The following TLE4 variants were observed in gnomAD, a reference collection of about 807,000 sequenced individuals.
The protein encoded by TLE4 is TLE family member 4, transcriptional corepressor, also known as transducin-like enhancer protein 4.
TLE4 carries 8 observed loss-of-function variants against 92.8 expected under a neutral mutation model. The ratio of observed to expected loss-of-function variants is 0.09; its 90% confidence interval spans 0.05 to 0.16. The LOEUF is 0.16. Among genes scored for constraint, TLE4 ranks in the 10% least tolerant of loss-of-function variants. The pLI, the probability that TLE4 is intolerant of heterozygous loss-of-function variation, is 1.00. For missense variants in TLE4, 675 were observed against 997.6 expected (o/e 0.68, Z 4.36); for synonymous variants, 371 against 374.1 (o/e 0.99, Z 0.10).
In TLE4 at chr9:79,629,458, G is replaced by A. The variant is rs1388829494; in HGVS notation, c.390+2010G>A. On this transcript the variant is annotated intron_variant, in intron 6 of 19. Coordinates refer to ENST00000376552, the MANE Select transcript of TLE4 (RefSeq NM_007005.6). ...GGAAATGAGGATTTATTAGACTGCA[G>A]CCAAGTTACTGACATATTGTGTTTA... Among the ~76,000 whole-genome samples, 8 of 152,084 alleles carry A rather than the reference G, an allele frequency of 5.3e-5. No homozygotes were observed. The East Asian group carries it at 1.5e-3, about 29-fold the overall frequency.
intron 4 of TLE4, among the ~76,000 whole-genome samples, chr9:79,595,486 G>A (rs186550285): frequency 1.2e-3 from 184 of 152,262 alleles, no homozygotes; most frequent in Admixed American, 2.9e-3. Flanking sequence ...TTGCTGATCG[G>A]TAACAATGTG....
At chr9:79,594,191 A>G (rs2043380826) in intron 4 of TLE4, among the ~76,000 whole-genome samples, 1 of 152,242 alleles carries the variant, frequency 6.6e-6, no homozygotes. Context: ...CAAATCACTG[A>G]AATCAGATTC....
intron 15 of TLE4, among the ~76,000 whole-genome samples, chr9:79,719,577 G>A (rs754865474): frequency 3.9e-5 from 6 of 152,018 alleles, no homozygotes; most frequent in Non-Finnish European, 5.9e-5. Flanking sequence ...CTTTAGTCAC[G>A]TAATGCAGGC....
chr9:79,579,244 A>G (rs1200963263), intron 4 of TLE4, among the ~76,000 whole-genome samples: 1 of 152,214 alleles, frequency 6.6e-6, no homozygotes, highest in Non-Finnish European at 1.5e-5. Context: ...TGTGGCTTCT[A>G]AATGGGTTGG....
intron 8 of TLE4, among the ~76,000 whole-genome samples, chr9:79,701,127 T>C (rs2069730119): frequency 1.3e-5 from 2 of 152,236 alleles, no homozygotes; most frequent in Admixed American, 1.3e-4. Context: ...TGTGGCAGAA[T>C]GGTGGACTTA....
intron 8 of TLE4, among the ~76,000 whole-genome samples, chr9:79,699,248 G>T (rs570401454): frequency 7.2e-4 from 109 of 152,116 alleles, no homozygotes; most frequent in African/African-American, 2.5e-3. Flanking sequence ...TATGATTGAG[G>T]ACTTTGGTTA....
chr9:79,626,203 T>C (rs1312690952), intron 5 of TLE4, among the ~76,000 whole-genome samples: 1 of 152,212 alleles, frequency 6.6e-6, no homozygotes, highest in Non-Finnish European at 1.5e-5. Context: ...CCCTAGTTAA[T>C]CTCAGTAACT....
intron 8 of TLE4, among the ~76,000 whole-genome samples, chr9:79,699,990 A>C (rs1313586407): frequency 6.6e-6 from 1 of 151,964 alleles, no homozygotes; most frequent in Non-Finnish European, 1.5e-5. Context: ...GGTTTAAAAT[A>C]GAAGATCCAC....
intron 5 of TLE4, among the ~76,000 whole-genome samples, chr9:79,620,232 T>G (rs1009322721): frequency 1.3e-5 from 2 of 152,238 alleles, no homozygotes; most frequent in African/African-American, 2.4e-5. Context: ...AGAGCTGCAT[T>G]GTCCAATACA....
chr9:79,700,853 TACAC>T (rs998979140), intron 8 of TLE4, among the ~76,000 whole-genome samples: 49 of 151,788 alleles, frequency 3.2e-4, no homozygotes, highest in South Asian at 8.3e-4. Context: ...CACACACACA[TACAC>T]ACACACACGC....
chr9:79,583,575 G>A (rs2040284286), intron 4 of TLE4, among the ~76,000 whole-genome samples: 1 of 152,176 alleles, frequency 6.6e-6, no homozygotes, highest in Non-Finnish European at 1.5e-5. Context: ...GAGAGGTTGG[G>A]GAAGGAGGAG....
chr9:79,599,303 T>A (rs1256353638), intron 4 of TLE4, among the ~76,000 whole-genome samples: 1 of 152,186 alleles, frequency 6.6e-6, no homozygotes, highest in Non-Finnish European at 1.5e-5. Context: ...ATTGCATGCA[T>A]CCTGTGCTCT....
chr9:79,649,925 T>G, intron 6 of TLE4: 12 of 1,312,696 alleles, frequency 9.1e-6, no homozygotes, highest in East Asian at 4.7e-5. Flanking sequence ...TGTTTTTTGT[T>G]TTTTTTTTGA....
chr9:79,721,733 ATTT>A lies in TLE4; in HGVS notation c.1839-6_1839-4del, dbSNP rs2075678431. The A allele has an allele frequency of 6.2e-7, 1 of 1,613,604 alleles. No homozygotes were observed. Among genetic ancestry groups the A allele is most frequent in the Non-Finnish European group, 8.5e-7 (1 of 1,179,932 alleles). ...TCAAGGGCTTTCCCTCCATTTTGAC[ATTT>A]TCAGGCAATTCCAGGGCCACACAGA... On this transcript the variant is annotated splice_polypyrimidine_tract_variant and splice_region_variant and intron_variant, in intron 16 of 19. Coordinates refer to ENST00000376552, the MANE Select transcript of TLE4 (RefSeq NM_007005.6).
chr9:79,612,005 A>G (rs1279173505), intron 4 of TLE4, among the ~76,000 whole-genome samples: 3 of 151,850 alleles, frequency 2.0e-5, no homozygotes, highest in Non-Finnish European at 4.4e-5. Flanking sequence ...CTTCCTGCTA[A>G]GTGTAATAAG....
intron 8 of TLE4, among the ~76,000 whole-genome samples, chr9:79,657,735 G>A (rs746405170): frequency 3.9e-5 from 6 of 152,122 alleles, no homozygotes; most frequent in South Asian, 2.1e-4. Context: ...TTCCCACTCC[G>A]TCCCAAATGT....
At chr9:79,662,370 G>A (rs1025895211) in intron 8 of TLE4, among the ~76,000 whole-genome samples, 4 of 152,150 alleles carry the variant, frequency 2.6e-5, no homozygotes, top group Non-Finnish European at 4.4e-5. Context: ...AGTGAGAGAA[G>A]CCAGTAGGCT....
intron 1 of TLE4, 77 bp from the exon 2 acceptor site, chr9:79,573,612 C>T (rs2036642706): frequency 8.0e-7 from 1 of 1,250,398 alleles, no homozygotes; most frequent in Non-Finnish European, 1.1e-6. Context: ...CCCGCTAACG[C>T]CGCATAGTAG....
intron 6 of TLE4, among the ~76,000 whole-genome samples, chr9:79,646,558 A>G (rs1035728759): frequency 7.9e-5 from 12 of 152,172 alleles, no homozygotes; most frequent in African/African-American, 2.7e-4. Context: ...GTGACTTACT[A>G]CTTTTATTTA....
Sources: allele counts gnomAD v4.1 joint callset (sites outside exome capture counted in the v4.1 genomes callset), GRCh38; gene constraint gnomAD v4.1.1; transcripts MANE v1.5; gene names NCBI Gene and HGNC (gene_info 2026-07-23, HGNC 2026-07-21).